SRSF11: variants seen among roughly 807,000 people sequenced by gnomAD.
SRSF11 encodes the protein serine and arginine rich splicing factor 11, also known as serine/arginine-rich splicing factor 11.
SRSF11 carries 9 observed loss-of-function variants against 56.0 expected under a neutral mutation model. The ratio of observed to expected loss-of-function variants is 0.16; its 90% CI spans 0.10 to 0.28. SRSF11 has a LOEUF of 0.28. Among genes scored for constraint, SRSF11 ranks in the 10% least tolerant of loss-of-function variants. SRSF11 has a pLI of 1.00. For missense variants in SRSF11, 421 were observed against 600.7 expected (o/e 0.70, Z 3.13); for synonymous variants, 222 against 215.3 (o/e 1.03, Z -0.27).
intron 9 of SRSF11, chr1:70,247,133 C>A: frequency 1.9e-6 from 2 of 1,049,306 alleles, no homozygotes; most frequent in Non-Finnish European, 2.4e-6. Flanking sequence ...TTTGAAGTAA[C>A]ATGGAATTCA....
chr1:70,250,553 T>G, intron 11 of SRSF11, 50 bp downstream of exon 11: 2 of 1,608,928 alleles, frequency 1.2e-6, no homozygotes, highest in Non-Finnish European at 1.7e-6. Flanking sequence ...TGTTGGTACT[T>G]TCAGAAGTTA....
chr1:70,210,162 C>G (rs1490183301), intron 1 of SRSF11, among the ~76,000 whole-genome samples: 2 of 151,722 alleles, frequency 1.3e-5, no homozygotes, highest in Non-Finnish European at 2.9e-5. Context: ...CTCCCGCCCC[C>G]CTTTTTTTTT....
chr1:70,214,937 C>T (rs1037281994), intron 1 of SRSF11, among the ~76,000 whole-genome samples: 4 of 134,202 alleles, frequency 3.0e-5, no homozygotes, highest in Admixed American at 8.5e-5. Context: ...CTTGCCCTGT[C>T]GCCTAGGCTG....
intron 5 of SRSF11, 143 bp from the exon 6 acceptor site, chr1:70,237,282 T>TTG (rs1674335486): frequency 2.5e-5 from 24 of 968,250 alleles, no homozygotes; most frequent in Middle Eastern, 3.2e-4. Context: ...TATATGTTGT[T>TTG]TACCAAAGTT....
intron 2 of SRSF11, chr1:70,230,177 G>A: frequency 4.1e-6 from 4 of 983,710 alleles, no homozygotes; most frequent in South Asian, 4.7e-5. Context: ...AATATTTTCA[G>A]GCCATAGTAA....
chr1:70,235,413 G>T, intron 4 of SRSF11, 88 bp from the exon 5 acceptor site: 1 of 1,110,250 alleles, frequency 9.0e-7, no homozygotes, highest in East Asian at 2.4e-5. Flanking sequence ...AGTCTGCATG[G>T]ATTTCTGTTG....
rs17131248 is a variant in SRSF11 at position 70,235,019 on chromosome 1, A to G, written c.540+231A>G. On this transcript the variant is annotated intron_variant, in intron 4 of 11. Coordinates refer to ENST00000370949, the MANE Select transcript of SRSF11 (RefSeq NM_001350605.2). ...AAATAGATTCACAAGAAGCCAGTACATTATCAGTGTGTCATAGAGTCAGAG... is the reference window on the plus strand; with the variant it reads ...AAATAGATTCACAAGAAGCCAGTACGTTATCAGTGTGTCATAGAGTCAGAG... Among the ~76,000 whole-genome samples, 15,124 of 152,220 alleles carry G rather than the reference A, an allele frequency of 0.099. 883 individuals are homozygous for G. The highest frequency in any genetic ancestry group is 0.3 in the East Asian group (1,563 of 5,166).
intron 7 of SRSF11, 21 bp downstream of exon 7, chr1:70,239,541 A>T (rs768667623): frequency 1.3e-5 from 19 of 1,512,324 alleles, no homozygotes; most frequent in Non-Finnish European, 1.7e-5. Context: ...TTTTTAGTCA[A>T]TTATACCTTA....
In SRSF11 at chr1:70,247,091, T is replaced by C. The variant is rs911831504; in HGVS notation, c.1022+184T>C. 3.5e-6 allele frequency: 4 copies of C among 1,150,064 alleles called. No homozygotes were observed. The African/African-American group carries it at 6.4e-5, about 19-fold the overall frequency. 71.2% of individuals were successfully genotyped at this position (1,150,064 alleles called of 1,614,324 possible). A position where few individuals can be genotyped will look rare whatever the true frequency, so the allele number is the denominator to read the frequency against. ...TGAAGAATAATGTAGTTTATTTTTC[T>C]TTTTACTTAATATTTTATGGTCTAG... is the stretch of plus-strand genomic sequence containing the variant. On this transcript the variant is annotated intron_variant, in intron 9 of 11. Transcript: ENST00000370949.
chr1:70,246,271 A>AG (rs1245473199), intron 8 of SRSF11, among the ~76,000 whole-genome samples: 12 of 152,254 alleles, frequency 7.9e-5, no homozygotes, highest in Middle Eastern at 3.4e-3. Flanking sequence ...GTAAAAAAAA[A>AG]AAATTGAGTT....
At position 70,250,377 on chromosome 1, in the gene SRSF11, G is replaced by A; in HGVS notation, c.1131G>A (p.Glu377=). 6.2e-7 allele frequency: 1 copy of A among 1,608,358 alleles called. No individual in the cohort carries two copies. Among genetic ancestry groups the A allele is most frequent in the Non-Finnish European group, 8.5e-7 (1 of 1,176,244 alleles). The change falls in exon 11 of 12, where the codon GAG becomes GAA. Residue 377 remains glutamate, a synonymous_variant. Coordinates refer to ENST00000370949, the MANE Select transcript of SRSF11 (RefSeq NM_001350605.2). ...RSPSPRRHKK[E]KKKDKDKERS... Reference sequence around the variant, plus strand: ...ACTGTCATTCTAGACATAAAAAGGAGAAGAAGAAAGATAAAGACAAAGAAA... The same window carrying A: ...ACTGTCATTCTAGACATAAAAAGGAAAAGAAGAAAGATAAAGACAAAGAAA...
intron 8 of SRSF11, among the ~76,000 whole-genome samples, chr1:70,245,637 G>T (rs1282270545): frequency 4.6e-5 from 7 of 152,160 alleles, no homozygotes. Flanking sequence ...AGAATGACTC[G>T]AGTATTAAAT....
intron 6 of SRSF11, among the ~76,000 whole-genome samples, chr1:70,238,431 AT>A (rs1674596335): frequency 6.6e-6 from 1 of 152,236 alleles, no homozygotes; most frequent in Non-Finnish European, 1.5e-5. Flanking sequence ...ATTGAACCCT[AT>A]TAATGAAATG....
intron 1 of SRSF11, among the ~76,000 whole-genome samples, chr1:70,207,393 A>G (rs1193423449): frequency 6.6e-6 from 1 of 152,214 alleles, no homozygotes; most frequent in Non-Finnish European, 1.5e-5. Context: ...AAAGGGGTGA[A>G]GAAACTTACC....
At chr1:70,250,161 G>A (rs2101037442) in intron 10 of SRSF11, 114 bp downstream of exon 10, 1 of 1,258,346 alleles carries the variant, frequency 7.9e-7, no homozygotes, top group Non-Finnish European at 1.1e-6. Flanking sequence ...ATGTTTTAAT[G>A]TATTCTCCTT....
rs1669508307 is a variant in SRSF11 at position 70,210,949 on chromosome 1, G to T, written c.-26+5169G>T. On this transcript the variant is annotated intron_variant, in intron 1 of 12. Transcript: ENST00000370950. The stretch of plus-strand genomic sequence containing the variant: ...ATTATAAAAAGAAACTGAAACAAGG[G>T]TGGTGGTAAACCAATCCTGCTTATG... Among the ~76,000 whole-genome samples the T allele has an allele frequency of 2.0e-5, 3 of 152,062 alleles. 1 individual carries two copies. The South Asian group carries it at 6.2e-4, about 32-fold the overall frequency.
chr1:70,216,013 C>T lies in SRSF11; in HGVS notation c.-25-5599C>T, dbSNP rs192776443. ...ATTGGTCAGGCTCATCTCGAACCCCCGACCTCAGGTGATCCACCCACCTCG... is the reference window on the plus strand; with the variant it reads ...ATTGGTCAGGCTCATCTCGAACCCCTGACCTCAGGTGATCCACCCACCTCG... On this transcript the variant is annotated intron_variant, in intron 1 of 12. Transcript: ENST00000370950. Among the ~76,000 whole-genome samples, 57 of 152,228 alleles carry T rather than the reference C, an allele frequency of 3.7e-4. No homozygotes were observed. The East Asian group carries it at 9.7e-3, about 26-fold the overall frequency.
chr1:70,208,869 T>C (rs1669295873), intron 1 of SRSF11, among the ~76,000 whole-genome samples: 2 of 152,218 alleles, frequency 1.3e-5, no homozygotes, highest in Non-Finnish European at 2.9e-5. Flanking sequence ...TAACTCTTTT[T>C]CAACACTGGC....
chr1:70,226,332 T>G (rs1412317880), intron 1 of SRSF11, among the ~76,000 whole-genome samples: 1 of 152,190 alleles, frequency 6.6e-6, no homozygotes, highest in East Asian at 1.9e-4. Flanking sequence ...TTCACAGTAT[T>G]CAAATTCATA....
Sources: gnomAD v4.1 joint callset for allele counts (sites outside exome capture counted in the v4.1 genomes callset) on GRCh38, gnomAD v4.1.1 for gene constraint, MANE v1.5 for transcripts, NCBI Gene and HGNC (gene_info 2026-07-23, HGNC 2026-07-21) for gene names.